Variants in MAP2K3 observed in about 807,000 individuals in gnomAD.
MAP2K3 encodes the protein dual specificity mitogen-activated protein kinase kinase 3.
In MAP2K3, 30 loss-of-function variants were observed where a neutral mutation model predicts 46.4. The observed-to-expected ratio is 0.65, with a 90% CI of 0.48 to 0.88. The LOEUF (loss-of-function observed/expected upper bound fraction) is 0.88, where lower values mean the gene tolerates loss of function less well. MAP2K3 is among the 40% of genes least tolerant of loss of function. The pLI, the probability that MAP2K3 is intolerant of heterozygous loss-of-function variation, is 0.00. For synonymous variants in MAP2K3, 189 were observed against 176.3 expected (o/e 1.07, Z -0.57); for missense variants, 380 against 464.5 (o/e 0.82, Z 1.67).
At chr17:21,288,485 C>T (rs1302879795) in intron 1 of MAP2K3, among the ~76,000 whole-genome samples, 1 of 152,220 alleles carries the variant, frequency 6.6e-6, no homozygotes, top group Non-Finnish European at 1.5e-5. Flanking sequence ...GGGACCCGGC[C>T]TGAGCTCCTG....
At chr17:21,293,281 C>CT (rs1976046719) in intron 1 of MAP2K3, among the ~76,000 whole-genome samples, 1 of 152,254 alleles carries the variant, frequency 6.6e-6, no homozygotes, top group Non-Finnish European at 1.5e-5. Flanking sequence ...GCCTTGTGCC[C>CT]CAGCCACTCT....
chr17:21,302,052 TGG>T, intron 5 of MAP2K3, 89 bp from the exon 6 acceptor site: 3 of 2,476 alleles, frequency 1.2e-3, no homozygotes, highest in African/African-American at 9.6e-3. Context: ...GAGAGGGGGC[TGG>T]GGCTGGGGCT....
Position 21,303,198 on chromosome 17 carries a change from G to A in MAP2K3, c.532G>A (p.Glu178Lys), listed in dbSNP as rs760420455. The change falls in exon 7 of 12, where the codon GAG (glutamate) becomes AAG (lysine). Residue 178 changes from glutamate to lysine, a missense_variant. Physicochemically the swap from Glu to Lys is moderately conservative, Grantham distance 56 (BLOSUM62 1). Transcript: ENST00000342679. ...CCACCGCCAGATCGTGCGGGCCCTGGAGCATCTGCACAGCAAGCTGTCGGT... is the reference window on the plus strand; with the variant it reads ...CCACCGCCAGATCGTGCGGGCCCTGAAGCATCTGCACAGCAAGCTGTCGGT... ...EIAVSIVRALEHLHSKLSVIH... is the reference protein window; with the variant it reads ...EIAVSIVRALKHLHSKLSVIH... 6.2e-6 allele frequency: 10 copies of A among 1,614,238 alleles called. No homozygotes were observed. The East Asian group carries it at 8.9e-5, about 14-fold the overall frequency.
intron 1 of MAP2K3, among the ~76,000 whole-genome samples, chr17:21,292,827 C>T (rs1479620666): frequency 1.3e-5 from 2 of 152,312 alleles, no homozygotes; most frequent in African/African-American, 2.4e-5. Context: ...ACTCCTGCTG[C>T]TCTTGGCTCT....
At chr17:21,304,053 T>C (rs1388147483) in intron 7 of MAP2K3, among the ~76,000 whole-genome samples, 1 of 108 alleles carries the variant, frequency 9.3e-3, no homozygotes, top group Admixed American at 0.17. Flanking sequence ...AGGCTTTAAT[T>C]GATCCTGCTG....
chr17:21,304,410 T>C lies in MAP2K3; in HGVS notation c.569-16T>C. On this transcript the variant is annotated splice_polypyrimidine_tract_variant and intron_variant, in intron 7 of 11. Transcript: ENST00000342679. ...GTGCTCCACAGACGTGGCTGAGGCA[T>C]GTCCCTCCCTGGCAGATGTGAAGCC... 3 of 1,614,290 alleles carry C rather than the reference T, an allele frequency of 1.9e-6. No homozygotes were observed. The highest frequency in any genetic ancestry group is 2.5e-6 in the Non-Finnish European group (3 of 1,180,036).
rs1241526408 is a variant in MAP2K3, at chr17:21,302,206, C to T, written c.463C>T (p.Leu155=). The change falls in exon 6 of 12, where the codon CTG becomes TTG. Residue 155 remains leucine (L), a synonymous_variant. Coordinates refer to ENST00000342679, the MANE Select transcript of MAP2K3 (RefSeq NM_145109.3). ...CTTGGACAAGTTCTACCGGAAGGTG[C>T]TGGATAAAAACATGACAATTCCAGA... The part of the protein sequence containing the change: ...TSLDKFYRKV[L]DKNMTIPEDI... The T allele has an allele frequency of 6.2e-7, 1 of 1,600,580 alleles. No individual in the cohort carries two copies. The highest frequency in any genetic ancestry group is 8.5e-7 in the Non-Finnish European group (1 of 1,171,134).
At position 21,298,826 on chromosome 17, in the gene MAP2K3, T is replaced by C. The variant is rs374430574; in HGVS notation, c.117-52T>C. 4.3e-6 allele frequency: 7 copies of C among 1,613,850 alleles called. No homozygotes were observed. In the African/African-American group the frequency reaches 8.0e-5, roughly 18 times the overall value. The stretch of plus-strand genomic sequence containing the variant: ...ACACTGGCCCATCTACTGCTGCACT[T>C]GGGGAAGGGTGTGGTTCTCTCTGAA... On this transcript the variant is annotated intron_variant, in intron 2 of 11. Coordinates refer to ENST00000342679, the MANE Select transcript of MAP2K3 (RefSeq NM_145109.3).
At chr17:21,303,957 G>A (rs1209637375) in intron 7 of MAP2K3, among the ~76,000 whole-genome samples, 6 of 152,228 alleles carry the variant, frequency 3.9e-5, no homozygotes, top group African/African-American at 1.4e-4. Flanking sequence ...TGTCCTATGC[G>A]CATTTGTATG....
chr17:21,299,006 G>A, intron 3 of MAP2K3, 80 bp downstream of exon 3: 1 of 1,585,734 alleles, frequency 6.3e-7, no homozygotes, highest in Non-Finnish European at 8.7e-7. Context: ...GGGCCACTTT[G>A]GGGGGAGGTG....
rs543087877 is a variant in MAP2K3 at position 21,304,936 on chromosome 17, C to T, written c.697-115C>T. ...CCCTCCTAGCCTCAGTTTCCTCCCC[C>T]GTCACATGGGCAGGTGGGCTAAGCT... On this transcript the variant is annotated intron_variant, in intron 8 of 11. Coordinates refer to ENST00000342679, the MANE Select transcript of MAP2K3 (RefSeq NM_145109.3). 634 of 1,204,120 alleles carry T rather than the reference C, an allele frequency of 5.3e-4. No homozygotes were observed. The African/African-American group carries it at 7.6e-3, about 14-fold the overall frequency. The allele number at this position is 1,204,120 out of a possible 1,614,324, so 74.6% of individuals were successfully genotyped here.
At chr17:21,298,011 G>GC (rs1341450024) in intron 1 of MAP2K3, among the ~76,000 whole-genome samples, 1 of 152,304 alleles carries the variant, frequency 6.6e-6, no homozygotes, top group African/African-American at 2.4e-5. Flanking sequence ...AGCTAATGAA[G>GC]CCCCTGTACA....
At chr17:21,286,465 T>TG (rs1051357185) in intron 1 of MAP2K3, among the ~76,000 whole-genome samples, 2 of 152,186 alleles carry the variant, frequency 1.3e-5, no homozygotes, top group African/African-American at 4.8e-5. Flanking sequence ...CCGGGTGGGC[T>TG]GGATAATTAT....
At chr17:21,306,993 C>T (rs1387181582) in intron 9 of MAP2K3, among the ~76,000 whole-genome samples, 1 of 152,300 alleles carries the variant, frequency 6.6e-6, no homozygotes, top group African/African-American at 2.4e-5. Context: ...ACTATGTTGC[C>T]CAGGCTGGTC....
chr17:21,291,340 A>ATAGAATACAG, intron 1 of MAP2K3: 1 of 328,122 alleles, frequency 3.0e-6, no homozygotes, highest in Non-Finnish European at 6.1e-6. Flanking sequence ...ATACAGTACA[A>ATAGAATACAG]TACAATACAA....
Position 21,314,491 on chromosome 17 carries a change from G to C in MAP2K3, c.*261G>C. 1 of 520,290 alleles carries C rather than the reference G, an allele frequency of 1.9e-6. No individual in the cohort carries two copies. The highest frequency in any genetic ancestry group is 3.3e-5 in the East Asian group (1 of 29,906). 32.2% of individuals were successfully genotyped at this position (520,290 alleles called of 1,614,324 possible). A position where few individuals can be genotyped will look rare whatever the true frequency, so the allele number is the denominator to read the frequency against. On this transcript the variant is annotated 3_prime_UTR_variant, in exon 12 of 12. Transcript: ENST00000342679. The stretch of plus-strand genomic sequence containing the variant: ...CTCCTAGGACCCGTCTCCAGCTGCT[G>C]AGATCCTGGACTGAGGGGGCCTGGA...
rs376993160 is a variant in MAP2K3 at position 21,312,222 on chromosome 17, G to A, written c.855G>A (p.Pro285=). The change falls in exon 10 of 12, where the codon CCG becomes CCA. Residue 285 remains proline (P), a synonymous_variant. Transcript: ENST00000342679. ...FQQLKQVVEE[P]SPQLPADRFS... ...AGCTGAAGCAGGTGGTGGAGGAGCCGTCCCCCCAGCTCCCAGCCGACCGTT... is the reference window on the plus strand; with the variant it reads ...AGCTGAAGCAGGTGGTGGAGGAGCCATCCCCCCAGCTCCCAGCCGACCGTT... 2.8e-5 allele frequency: 45 copies of A among 1,604,098 alleles called. No homozygotes were observed. The highest frequency in any genetic ancestry group is 3.3e-4 in the Middle Eastern group (2 of 6,050).
intron 7 of MAP2K3, 72 bp from the exon 8 acceptor site, chr17:21,304,354 G>A: frequency 1.2e-6 from 2 of 1,612,196 alleles, no homozygotes; most frequent in African/African-American, 1.3e-5. Context: ...GGGGGGCACA[G>A]CTATGCAGAG....
chr17:21,297,994 T>A (rs1976356124), intron 1 of MAP2K3, among the ~76,000 whole-genome samples: 1 of 127,482 alleles, frequency 7.8e-6, no homozygotes, highest in South Asian at 2.5e-4. Context: ...CCCATCCTGC[T>A]ACCTGCAGCT....
Sources: gnomAD v4.1 joint callset for allele counts (sites outside exome capture counted in the v4.1 genomes callset) on GRCh38, gnomAD v4.1.1 for gene constraint, MANE v1.5 for transcripts, NCBI Gene and HGNC (gene_info 2026-07-23, HGNC 2026-07-21) for gene names.